ACOT7: variants seen among roughly 807,000 people sequenced by gnomAD.
The protein encoded by ACOT7 is cytosolic acyl coenzyme A thioester hydrolase.
ACOT7 carries 12 observed loss-of-function variants against 40.2 expected under a neutral mutation model. The ratio of observed to expected loss-of-function variants is 0.30; its 90% confidence interval spans 0.19 to 0.48. ACOT7 has a LOEUF of 0.48. Ranked by LOEUF, ACOT7 falls within the 20% of genes least tolerant of loss-of-function variation. ACOT7 has a pLI of 0.99. For synonymous variants in ACOT7, 228 were observed against 219.5 expected (o/e 1.04, Z -0.34); for missense variants, 395 against 530.8 (o/e 0.74, Z 2.51).
intron 1 of ACOT7, chr1:6,360,836 C>T: frequency 3.9e-6 from 5 of 1,283,814 alleles, no homozygotes; most frequent in Non-Finnish European, 5.2e-6. Flanking sequence ...CCACCACCCA[C>T]CCCAAATCAG....
chr1:6,373,738 G>A (rs555733952), intron 1 of ACOT7, among the ~76,000 whole-genome samples: 40 of 152,078 alleles, frequency 2.6e-4, no homozygotes, highest in African/African-American at 8.7e-4. Context: ...AGTGGCAGGC[G>A]CCTGTAATCC....
intron 6 of ACOT7, among the ~76,000 whole-genome samples, chr1:6,314,617 G>A (rs1382051753): frequency 6.6e-6 from 1 of 151,962 alleles, no homozygotes; most frequent in Admixed American, 6.6e-5. Context: ...GAGAACAGGG[G>A]GTAACTGGTC....
At position 6,327,385 on chromosome 1, in the gene ACOT7, CCCT is replaced by C. The variant is rs1640832906; in HGVS notation, c.536_538del (p.Glu179del). On this transcript the variant is annotated inframe_deletion, in exon 5 of 9. Transcript: ENST00000361521. ...CTTCTGGGCTTCATACCGCTTCCGGCCCTCCTCCTCCTGCTCCTGCCGGGAATA... is the reference window on the plus strand; with the variant it reads ...CTTCTGGGCTTCATACCGCTTCCGGCCCTCCTCCTGCTCCTGCCGGGAATA... The C allele has an allele frequency of 6.2e-7, 1 of 1,614,166 alleles. No individual in the cohort carries two copies. The highest frequency in any genetic ancestry group is 8.5e-7 in the Non-Finnish European group (1 of 1,180,016).
intron 8 of ACOT7, among the ~76,000 whole-genome samples, chr1:6,279,498 G>A (rs936031791): frequency 6.6e-6 from 1 of 152,224 alleles, no homozygotes; most frequent in Non-Finnish European, 1.5e-5. Context: ...AGCATGCCTC[G>A]TAAGCCCCAA....
chr1:6,320,673 C>T (rs1036771862), intron 5 of ACOT7, among the ~76,000 whole-genome samples: 1 of 152,194 alleles, frequency 6.6e-6, no homozygotes. Flanking sequence ...CGCTGCAGGG[C>T]AGGCAGGGCA....
rs1642570014 is a variant in ACOT7 at position 6,393,387 on chromosome 1, C to T, written c.13G>A (p.Gly5Arg). 7 of 1,229,772 alleles carry T rather than the reference C, an allele frequency of 5.7e-6. No homozygotes were observed. In the East Asian group the frequency reaches 1.9e-4, roughly 34 times the overall value. The allele number at this position is 1,229,772 out of a possible 1,614,324, so 76.2% of individuals were successfully genotyped here. MARP[G>R]LIHSAPGLPD... ...AGGCCCGGCGCGGAATGAATGAGCCCGGGCCGCGCCATAAAGGGGGAGGGC... is the reference window on the plus strand; with the variant it reads ...AGGCCCGGCGCGGAATGAATGAGCCTGGGCCGCGCCATAAAGGGGGAGGGC... Residue 5 changes from glycine (G) to arginine (R), a missense_variant, in exon 1 of 9, where the codon GGG (glycine) becomes AGG (arginine). Transcript: ENST00000361521.
At chr1:6,392,929 T>G (rs1416314487) in intron 1 of ACOT7, among the ~76,000 whole-genome samples, 3 of 151,906 alleles carry the variant, frequency 2.0e-5, no homozygotes, top group Non-Finnish European at 2.9e-5. Context: ...CGGGCGCCGG[T>G]CGCCGGGCTC....
chr1:6,363,272 C>A (rs1000595978), intron 1 of ACOT7, among the ~76,000 whole-genome samples: 1 of 152,206 alleles, frequency 6.6e-6, no homozygotes, highest in East Asian at 1.9e-4. Context: ...TCTGGGAAGA[C>A]GCCCGTTGCC....
chr1:6,269,313 C>A (rs931870370), intron 8 of ACOT7, among the ~76,000 whole-genome samples: 1 of 152,218 alleles, frequency 6.6e-6, no homozygotes, highest in African/African-American at 2.4e-5. Flanking sequence ...CCACGATGAA[C>A]CAGGGTCAGG....
At position 6,299,565 on chromosome 1, in the gene ACOT7, C is replaced by G. The variant is rs1226980531; in HGVS notation, c.713-4585G>C. Among the ~76,000 whole-genome samples the G allele has an allele frequency of 6.6e-6, 1 of 152,062 alleles. No homozygotes were observed. The highest frequency in any genetic ancestry group is 1.5e-5 in the Non-Finnish European group (1 of 68,004). ...AGGGCACAGAGGACAGTCGGCCTCCCCTTACCGGACGCCACACACAGAGGG... is the reference window on the plus strand; with the variant it reads ...AGGGCACAGAGGACAGTCGGCCTCCGCTTACCGGACGCCACACACAGAGGG... On this transcript the variant is annotated intron_variant, in intron 6 of 8. Coordinates refer to ENST00000361521, the MANE Select transcript of ACOT7 (RefSeq NM_007274.4). The surrounding 1 kb of genome is among the most constrained non-coding windows in gnomAD (Gnocchi z 4.1).
chr1:6,307,515 A>C (rs1640189338), intron 6 of ACOT7, among the ~76,000 whole-genome samples: 1 of 152,264 alleles, frequency 6.6e-6, no homozygotes, highest in Non-Finnish European at 1.5e-5. Flanking sequence ...CAGAGTGCTC[A>C]TGAGAGGTCT....
At chr1:6,341,765 T>C (rs986359272) in intron 2 of ACOT7, among the ~76,000 whole-genome samples, 2 of 152,108 alleles carry the variant, frequency 1.3e-5, no homozygotes, top group African/African-American at 4.8e-5. Flanking sequence ...TTTTTCAATG[T>C]TATTTATCCT....
intron 3 of ACOT7, among the ~76,000 whole-genome samples, chr1:6,336,649 G>A (rs544494000): frequency 9.9e-5 from 15 of 152,248 alleles, no homozygotes; most frequent in African/African-American, 2.6e-4. Flanking sequence ...CAGGGTCCCC[G>A]CGCGCATCCT....
chr1:6,323,271 G>A (rs899405685), intron 5 of ACOT7, among the ~76,000 whole-genome samples: 1 of 152,228 alleles, frequency 6.6e-6, no homozygotes, highest in African/African-American at 2.4e-5. Flanking sequence ...GACCTAGAAA[G>A]GACCTGTCTT....
chr1:6,300,847 A>G (rs1354770155), intron 6 of ACOT7, among the ~76,000 whole-genome samples: 1 of 147,494 alleles, frequency 6.8e-6, no homozygotes, highest in African/African-American at 2.6e-5. Flanking sequence ...CAGAATGACC[A>G]ACACCGGGTC....
At chr1:6,265,024 C>T (rs896999040) in intron 8 of ACOT7, among the ~76,000 whole-genome samples, 10 of 152,206 alleles carry the variant, frequency 6.6e-5, no homozygotes, top group African/African-American at 1.4e-4. Context: ...AGTGAAGTGC[C>T]GAGCCCTGTG....
At chr1:6,276,116 C>A (rs1639181565) in intron 8 of ACOT7, among the ~76,000 whole-genome samples, 1 of 152,162 alleles carries the variant, frequency 6.6e-6, no homozygotes, top group Non-Finnish European at 1.5e-5. Context: ...CTCCTCAGGC[C>A]CAGGCTGGGA....
At chr1:6,287,235 C>T (rs565066353) in intron 7 of ACOT7, among the ~76,000 whole-genome samples, 2 of 152,358 alleles carry the variant, frequency 1.3e-5, no homozygotes, top group East Asian at 1.9e-4. Context: ...CACTCACACT[C>T]GAGGCCCTGA....
At chr1:6,371,176 T>C (rs1351315241) in intron 1 of ACOT7, among the ~76,000 whole-genome samples, 3 of 152,170 alleles carry the variant, frequency 2.0e-5, no homozygotes, top group Non-Finnish European at 4.4e-5. Context: ...CTTAAAAATA[T>C]TCAGAAAACT....
Sources: allele counts gnomAD v4.1 joint callset (sites outside exome capture counted in the v4.1 genomes callset), GRCh38; gene constraint gnomAD v4.1.1; non-coding constraint Gnocchi (gnomAD v3.1); transcripts MANE v1.5; gene names NCBI Gene and HGNC (gene_info 2026-07-23, HGNC 2026-07-21).